The following CCDC141 variants were observed in gnomAD, a reference collection of about 807,000 sequenced individuals.
CCDC141 encodes the protein coiled-coil domain containing 141, also known as coiled-coil domain-containing protein 141.
In CCDC141, 168 loss-of-function variants were observed where a neutral mutation model predicts 181.0. That is an observed-to-expected ratio of 0.93 (90% CI 0.82 to 1.05). The LOEUF (loss-of-function observed/expected upper bound fraction) is 1.05, where lower values mean the gene tolerates loss of function less well. Ranked by LOEUF, CCDC141 falls within the 50% of genes least tolerant of loss-of-function variation. CCDC141 has a pLI of 0.00. For missense variants in CCDC141, 1,902 were observed against 1,788.5 expected, an observed-to-expected ratio of 1.06 and a Z score of -1.14; for synonymous variants, 666 against 642.3, an observed-to-expected ratio of 1.04 and a Z score of -0.56.
chr2:178,846,833 A>T (rs1302493132), intron 21 of CCDC141, among the ~76,000 whole-genome samples: 1 of 152,186 alleles, frequency 6.6e-6, no homozygotes, highest in Non-Finnish European at 1.5e-5. Flanking sequence ...ATCACTGGAG[A>T]TAATGTATAT....
intron 2 of CCDC141, among the ~76,000 whole-genome samples, chr2:178,998,289 C>A (rs1251685256): frequency 4.6e-5 from 7 of 152,124 alleles, no homozygotes; most frequent in African/African-American, 2.4e-5. Flanking sequence ...TCTTAATGAC[C>A]CTTACAGTTC....
chr2:178,861,821 C>T (rs1359062099), intron 17 of CCDC141, among the ~76,000 whole-genome samples: 1 of 151,956 alleles, frequency 6.6e-6, no homozygotes, highest in Non-Finnish European at 1.5e-5. Flanking sequence ...TTAACACATT[C>T]GTTGAGTGAA....
At chr2:178,917,847 C>G (rs1178697117) in intron 7 of CCDC141, among the ~76,000 whole-genome samples, 1 of 152,198 alleles carries the variant, frequency 6.6e-6, no homozygotes, top group Non-Finnish European at 1.5e-5. Context: ...AGATTTCACT[C>G]TGGCTGACTT....
intron 9 of CCDC141, among the ~76,000 whole-genome samples, chr2:178,888,277 T>C (rs116829240): frequency 0.014 from 2,078 of 152,316 alleles, 43 homozygotes; most frequent in African/African-American, 0.047. Flanking sequence ...AACACAGTAC[T>C]GTGCAAAGCG....
At chr2:178,919,002 C>A (rs1321361175) in intron 6 of CCDC141, 95 bp from the exon 7 acceptor site, 2 of 1,130,228 alleles carry the variant, frequency 1.8e-6, no homozygotes, top group Non-Finnish European at 2.5e-6. Context: ...ATCTAACCCC[C>A]AAGGTGATGA....
intron 8 of CCDC141, among the ~76,000 whole-genome samples, chr2:178,900,169 C>T (rs1687618126): frequency 6.6e-6 from 1 of 152,104 alleles, no homozygotes; most frequent in Non-Finnish European, 1.5e-5. Context: ...AACCATATTG[C>T]TAATGATTTT....
intron 23 of CCDC141, among the ~76,000 whole-genome samples, chr2:178,835,196 A>T (rs1422651769): frequency 6.6e-6 from 1 of 152,170 alleles, no homozygotes; most frequent in Admixed American, 6.5e-5. Flanking sequence ...CATCATATTC[A>T]TACCACAGTA....
At chr2:178,918,239 G>A (rs556694372) in intron 7 of CCDC141, among the ~76,000 whole-genome samples, 39 of 151,604 alleles carry the variant, frequency 2.6e-4, no homozygotes, top group African/African-American at 9.2e-4. Flanking sequence ...GCAAGACCCT[G>A]TCTCTACCAA....
chr2:178,947,756 C>T (rs556975550), intron 5 of CCDC141, among the ~76,000 whole-genome samples: 1 of 152,302 alleles, frequency 6.6e-6, no homozygotes, highest in South Asian at 2.1e-4. Context: ...GGCAGGGAAA[C>T]CTGCACTGTC....
chr2:179,009,840 T>C (rs1047173764), intron 2 of CCDC141, among the ~76,000 whole-genome samples: 1 of 152,076 alleles, frequency 6.6e-6, no homozygotes, highest in Non-Finnish European at 1.5e-5. Flanking sequence ...AGGTTACTTA[T>C]TAAGCTAATC....
chr2:178,824,488 G>A, the CCDC141 span, among the ~76,000 whole-genome samples: 1 of 151,958 alleles, frequency 6.6e-6, no homozygotes, highest in Admixed American at 6.6e-5. Flanking sequence ...CCAGCATGGT[G>A]GTGTGCACCT....
chr2:178,876,547 C>A (rs368371972), intron 12 of CCDC141: 1 of 152,142 alleles, frequency 6.6e-6, no homozygotes, highest in African/African-American at 2.4e-5. Flanking sequence ...GAAAGTCTCC[C>A]ATTATAGACT....
At chr2:179,048,844 C>T (rs571048292) in intron 1 of CCDC141, among the ~76,000 whole-genome samples, 2 of 152,172 alleles carry the variant, frequency 1.3e-5, no homozygotes, top group African/African-American at 2.4e-5. Context: ...GTATCAAGTG[C>T]TCTTTTCCTG....
chr2:179,047,193 A>C, intron 2 of CCDC141, 91 bp downstream of exon 2: 2 of 1,200,900 alleles, frequency 1.7e-6, no homozygotes, highest in East Asian at 5.5e-5. Flanking sequence ...AAGTGGCCCT[A>C]GGCCAGTAAC....
At chr2:179,037,538 T>C (rs538838584) in intron 2 of CCDC141, among the ~76,000 whole-genome samples, 6 of 152,304 alleles carry the variant, frequency 3.9e-5, no homozygotes, top group Non-Finnish European at 8.8e-5. Flanking sequence ...TCTTAAAGAA[T>C]ATCATCAAGA....
Position 178,853,692 on chromosome 2 carries a change from A to T in CCDC141, c.3061-68T>A. 8.8e-6 allele frequency: 12 copies of T among 1,357,082 alleles called. No homozygotes were observed. In the South Asian group the frequency reaches 1.7e-4, roughly 19 times the overall value. The allele number at this position is 1,357,082 out of a possible 1,614,324, so 84.1% of individuals were successfully genotyped here. On this transcript the variant is annotated intron_variant, in intron 19 of 23. Transcript: ENST00000443758. ...CCTTCTAAAGTTCTTAATTTTGACC[A>T]GTGAAGTATCAAATTTTAATTCCCT...
intron 8 of CCDC141, among the ~76,000 whole-genome samples, chr2:178,901,111 A>C (rs1020922831): frequency 6.6e-6 from 1 of 152,130 alleles, no homozygotes; most frequent in African/African-American, 2.4e-5. Flanking sequence ...ACCCATAAAC[A>C]GAACTCCAGA....
Position 178,886,846 on chromosome 2 carries a change from C to CCTG in CCDC141, c.1432_1433insCAG (p.Ser478delinsThrGly). 7.0e-7 allele frequency: 1 copy of CCTG among 1,431,704 alleles called. No individual in the cohort carries two copies. Among genetic ancestry groups the CCTG allele is most frequent in the South Asian group, 1.6e-5 (1 of 64,128 alleles). 88.7% of individuals were successfully genotyped at this position (1,431,704 alleles called of 1,614,324 possible). A position where few individuals can be genotyped will look rare whatever the true frequency, so the allele number is the denominator to read the frequency against. On this transcript the variant is annotated protein_altering_variant, in exon 10 of 24. Coordinates refer to ENST00000443758, the MANE Select transcript of CCDC141 (RefSeq NM_173648.4). ...ATCCATTGCATTAGAAAGTACTGGA[C>CCTG]TGATTTTCTGAATTGACATTTCCAC...
intron 11 of CCDC141, among the ~76,000 whole-genome samples, chr2:178,881,154 G>A (rs977270010): frequency 6.6e-6 from 1 of 151,984 alleles, no homozygotes; most frequent in Non-Finnish European, 1.5e-5. Flanking sequence ...GAAAGGAGAA[G>A]GAACAGACAA....
Sources: allele counts gnomAD v4.1 joint callset (sites outside exome capture counted in the v4.1 genomes callset), GRCh38; gene constraint gnomAD v4.1.1; transcripts MANE v1.5; gene names NCBI Gene and HGNC (gene_info 2026-07-23, HGNC 2026-07-21).